The following TRHDE variants were observed in gnomAD, a reference collection of about 807,000 sequenced individuals.
The protein encoded by TRHDE is thyrotropin releasing hormone degrading enzyme.
TRHDE carries 72 observed loss-of-function variants against 125.7 expected under a neutral mutation model. The observed-to-expected ratio is 0.57, with a 90% CI of 0.47 to 0.70. The LOEUF (loss-of-function observed/expected upper bound fraction) is 0.70, where lower values mean the gene tolerates loss of function less well. Among genes scored for constraint, TRHDE ranks in the 30% least tolerant of loss-of-function variants. TRHDE has a pLI of 0.00. For missense variants in TRHDE, 1,110 were observed against 1,327.1 expected, an observed-to-expected ratio of 0.84 and a Z score of 2.54; for synonymous variants, 509 against 509.1, an observed-to-expected ratio of 1.00 and a Z score of 0.00.
At chr12:72,175,302 G>A (rs1876963370) in intron 2 of TRHDE, among the ~76,000 whole-genome samples, 1 of 152,186 alleles carries the variant, frequency 6.6e-6, no homozygotes, top group Non-Finnish European at 1.5e-5. Flanking sequence ...TCAAGGTCCA[G>A]CCATGCTGTC....
At chr12:72,581,720 G>C (rs905686994) in intron 12 of TRHDE, among the ~76,000 whole-genome samples, 3 of 151,766 alleles carry the variant, frequency 2.0e-5, no homozygotes, top group Admixed American at 2.0e-4. Flanking sequence ...ACTTTGTTAA[G>C]AAATAAGACG....
chr12:72,635,194 C>A (rs1422095139), intron 15 of TRHDE, among the ~76,000 whole-genome samples: 1 of 152,076 alleles, frequency 6.6e-6, no homozygotes, highest in Middle Eastern at 3.4e-3. Context: ...GATTGCCATT[C>A]TAACTGGTGT....
chr12:72,456,409 G>A (rs934964526), intron 3 of TRHDE, among the ~76,000 whole-genome samples: 1 of 152,078 alleles, frequency 6.6e-6, no homozygotes, highest in African/African-American at 2.4e-5. Context: ...GTATATTAGA[G>A]TACTGGCTTT....
At chr12:72,216,680 T>C (rs1490232757) in intron 2 of TRHDE, among the ~76,000 whole-genome samples, 6 of 152,324 alleles carry the variant, frequency 3.9e-5, no homozygotes, top group African/African-American at 1.2e-4. Flanking sequence ...TTATGCTGAT[T>C]GATTTGTTGT....
At chr12:72,156,856 C>T (rs1876524463) in intron 2 of TRHDE, among the ~76,000 whole-genome samples, 1 of 152,148 alleles carries the variant, frequency 6.6e-6, no homozygotes, top group African/African-American at 2.4e-5. Flanking sequence ...TTCAGTAATT[C>T]CCCAAACAGA....
chr12:72,483,315 T>A (rs962718489), intron 5 of TRHDE, among the ~76,000 whole-genome samples: 13 of 152,024 alleles, frequency 8.6e-5, no homozygotes, highest in Admixed American at 1.3e-4. Flanking sequence ...TTTTTCTACC[T>A]ATCCCATGAA....
intron 3 of TRHDE, among the ~76,000 whole-genome samples, chr12:72,401,016 T>C (rs1424255268): frequency 6.6e-6 from 1 of 152,204 alleles, no homozygotes; most frequent in Non-Finnish European, 1.5e-5. Flanking sequence ...TGGTCCTATT[T>C]AGCCAATTTC....
intron 2 of TRHDE, among the ~76,000 whole-genome samples, chr12:72,319,556 G>T (rs1868977417): frequency 6.6e-6 from 1 of 152,064 alleles, no homozygotes; most frequent in Non-Finnish European, 1.5e-5. Context: ...TTTCTTAGGT[G>T]GTAACTTTAT....
intron 5 of TRHDE, among the ~76,000 whole-genome samples, chr12:72,482,303 C>CT (rs1425318619): frequency 6.6e-6 from 1 of 151,634 alleles, no homozygotes. Context: ...TCAGAAGTAG[C>CT]TTTTTTACAG....
At chr12:72,173,565 T>G (rs1415776053) in intron 2 of TRHDE, among the ~76,000 whole-genome samples, 1 of 152,172 alleles carries the variant, frequency 6.6e-6, no homozygotes, top group Non-Finnish European at 1.5e-5. Context: ...TTCCTGCACG[T>G]GCTCTTGTGT....
intron 7 of TRHDE, among the ~76,000 whole-genome samples, chr12:72,542,836 T>C (rs1005019439): frequency 4.0e-5 from 6 of 151,334 alleles, no homozygotes; most frequent in Non-Finnish European, 7.4e-5. Context: ...TTATTTTAAT[T>C]AGAAAATATG....
chr12:72,587,629 T>C (rs530660127), intron 12 of TRHDE, among the ~76,000 whole-genome samples: 17 of 152,146 alleles, frequency 1.1e-4, no homozygotes, highest in African/African-American at 4.1e-4. Context: ...TACAGAATTT[T>C]AAAATTAAAG....
At chr12:72,388,440 T>G (rs947661018) in intron 3 of TRHDE, among the ~76,000 whole-genome samples, 2 of 152,226 alleles carry the variant, frequency 1.3e-5, no homozygotes, top group African/African-American at 4.8e-5. Flanking sequence ...GTTGGTTCAC[T>G]GCTCTATTCC....
intron 1 of TRHDE, chr12:72,274,079 G>A (rs1332697703): frequency 6.5e-6 from 1 of 153,276 alleles, no homozygotes; most frequent in Admixed American, 6.5e-5. Flanking sequence ...AGCAGAGGAT[G>A]GGCTTTGGCT....
intron 2 of TRHDE, among the ~76,000 whole-genome samples, chr12:72,317,027 A>G (rs1245291619): frequency 1.3e-5 from 2 of 152,200 alleles, no homozygotes; most frequent in Non-Finnish European, 2.9e-5. Flanking sequence ...AAATTCACCA[A>G]ACATATACTG....
At chr12:72,355,655 A>G (rs1870782046) in intron 2 of TRHDE, among the ~76,000 whole-genome samples, 1 of 151,920 alleles carries the variant, frequency 6.6e-6, no homozygotes, top group Non-Finnish European at 1.5e-5. Context: ...CAAACTATTC[A>G]TCTGACAAAA....
At position 72,620,908 on chromosome 12, in the gene TRHDE, T is replaced by C. The variant is rs971932343; in HGVS notation, c.2470-200T>C. Among the ~76,000 whole-genome samples, 80 of 152,110 alleles carry C rather than the reference T, an allele frequency of 5.3e-4. 1 individual carries two copies. Among genetic ancestry groups the C allele is most frequent in the African/African-American group, 1.7e-3 (71 of 41,476 alleles). ...GAAGAGTAGACTTGTACCATTCCAA[T>C]AGCATTTTATCCCTCTTTTCTATAT... is the stretch of plus-strand genomic sequence containing the variant. On this transcript the variant is annotated intron_variant, in intron 13 of 18. Transcript: ENST00000261180.
chr12:72,548,208 T>C (rs1276176443), intron 7 of TRHDE, among the ~76,000 whole-genome samples: 1 of 151,760 alleles, frequency 6.6e-6, no homozygotes, highest in Non-Finnish European at 1.5e-5. Context: ...AGTATAAATA[T>C]ACTGCAATTT....
intron 7 of TRHDE, among the ~76,000 whole-genome samples, chr12:72,547,785 A>T (rs1376990581): frequency 1.3e-5 from 2 of 151,858 alleles, no homozygotes; most frequent in African/African-American, 4.8e-5. Context: ...AAACATCTGC[A>T]TAATACATGA....
Sources: gnomAD v4.1 joint callset for allele counts (sites outside exome capture counted in the v4.1 genomes callset) on GRCh38, gnomAD v4.1.1 for gene constraint, MANE v1.5 for transcripts, NCBI Gene and HGNC (gene_info 2026-07-23, HGNC 2026-07-21) for gene names.